The following NDUFAF7 variants were observed in gnomAD, a reference collection of about 807,000 sequenced individuals.
The protein encoded by NDUFAF7 is protein arginine methyltransferase NDUFAF7, mitochondrial.
Under a neutral mutation model 47.2 loss-of-function variants are expected in NDUFAF7, and 48 were observed. The observed-to-expected ratio is 1.02, with a 90% CI of 0.81 to 1.29. The LOEUF is 1.29. Ranked by LOEUF, NDUFAF7 falls within the 50% of genes most tolerant of loss-of-function variation. The pLI is 0.00. For synonymous variants in NDUFAF7, 217 were observed against 190.0 expected (o/e 1.14, Z -1.17); for missense variants, 635 against 537.6 (o/e 1.18, Z -1.79).
chr2:37,249,643 GACACACACACACACACACAC>G (rs56208997), downstream of NDUFAF7, among the ~76,000 whole-genome samples: 19 of 132,520 alleles, frequency 1.4e-4, no homozygotes, highest in Non-Finnish European at 1.6e-4. Context: ...CTGTGATAGA[GACACACACACACACACACAC>G]ACACACACAC....
At chr2:37,267,630 G>T in the NDUFAF7 span, 1 of 942,476 alleles carries the variant, frequency 1.1e-6, no homozygotes, top group Non-Finnish European at 1.6e-6. Context: ...ATTTACTCTT[G>T]AATTTTCTTT....
chr2:37,241,520 T>C (rs770947354), intron 4 of NDUFAF7, 58 bp from the exon 5 acceptor site: 1 of 1,354,708 alleles, frequency 7.4e-7, no homozygotes, highest in African/African-American at 1.4e-5. Flanking sequence ...TGTAAATGAT[T>C]AGGAAACTTA....
chr2:37,256,912 A>T, downstream of NDUFAF7: 3 of 1,614,098 alleles, frequency 1.9e-6, no homozygotes, highest in Non-Finnish European at 2.5e-6. Context: ...GTGCAAATCC[A>T]AAGTCACACA....
chr2:37,246,925 C>T (rs1004112828), intron 8 of NDUFAF7, among the ~76,000 whole-genome samples: 3 of 151,798 alleles, frequency 2.0e-5, no homozygotes, highest in African/African-American at 4.8e-5. Context: ...GTACATGAGG[C>T]AGGTTTGTTA....
At chr2:37,233,726 A>G (rs1361742169) in intron 2 of NDUFAF7, among the ~76,000 whole-genome samples, 1 of 152,152 alleles carries the variant, frequency 6.6e-6, no homozygotes, top group African/African-American at 2.4e-5. Flanking sequence ...AAAGCCAAGG[A>G]ACCAGGGAGA....
chr2:37,253,508 G>C (rs1425054692), downstream of NDUFAF7: 1 of 489,308 alleles, frequency 2.0e-6, no homozygotes, highest in African/African-American at 2.0e-5. Context: ...TTCTACTTGT[G>C]ATATTTTAAA....
chr2:37,247,300 A>G (rs1667032372), intron 8 of NDUFAF7, 156 bp from the exon 9 acceptor site: 4 of 848,610 alleles, frequency 4.7e-6, no homozygotes, highest in Non-Finnish European at 7.6e-6. Context: ...ATACTTTGTA[A>G]AACACTGCCT....
chr2:37,242,621 C>T lies in NDUFAF7; in HGVS notation c.623-14C>T, dbSNP rs1404988674. ...AAATGTGGAAACATTAATTGTTTTC[C>T]TCTTTTTAAATAGGGTACAGCTTTT... On this transcript the variant is annotated splice_polypyrimidine_tract_variant and intron_variant, in intron 5 of 9. Coordinates refer to ENST00000002125, the MANE Select transcript of NDUFAF7 (RefSeq NM_144736.5). 1 of 1,564,420 alleles carries T rather than the reference C, an allele frequency of 6.4e-7. No individual in the cohort carries two copies. The highest frequency in any genetic ancestry group is 8.8e-7 in the Non-Finnish European group (1 of 1,136,038).
chr2:37,262,594 GTA>G, the NDUFAF7 span, among the ~76,000 whole-genome samples: 1 of 152,186 alleles, frequency 6.6e-6, no homozygotes, highest in Non-Finnish European at 1.5e-5. Flanking sequence ...AATAAGCAGT[GTA>G]AGATTCAGAA....
At chr2:37,271,281 C>A in the NDUFAF7 span, among the ~76,000 whole-genome samples, 1 of 152,166 alleles carries the variant, frequency 6.6e-6, no homozygotes, top group Non-Finnish European at 1.5e-5. Flanking sequence ...CAAAATCCAG[C>A]CTGTTGCCTC....
chr2:37,244,338 C>T (rs1666691398), intron 7 of NDUFAF7, among the ~76,000 whole-genome samples: 1 of 152,170 alleles, frequency 6.6e-6, no homozygotes, highest in African/African-American at 2.4e-5. Flanking sequence ...TTAACAATAA[C>T]AGCTAACGTT....
Position 37,236,164 on chromosome 2 carries a change from A to C in NDUFAF7, c.285A>C (p.Gln95His), listed in dbSNP as rs1366547857. ...GDFITSPEIS[Q>H]IFGELLGIWF... ...TCATTACTTCACCTGAAATAAGTCAAATCTTTGGGGAGGTAATATACTATG... is the reference window on the plus strand; with the variant it reads ...TCATTACTTCACCTGAAATAAGTCACATCTTTGGGGAGGTAATATACTATG... The change falls in exon 3 of 10, where the codon CAA becomes CAC. Residue 95 changes from glutamine (Q) to histidine (H), a missense_variant. Coordinates refer to ENST00000002125, the MANE Select transcript of NDUFAF7 (RefSeq NM_144736.5). 5 of 1,609,106 alleles carry C rather than the reference A, an allele frequency of 3.1e-6. No individual in the cohort carries two copies. The highest frequency in any genetic ancestry group is 3.4e-6 in the Non-Finnish European group (4 of 1,175,654).
intron 8 of NDUFAF7, 136 bp from the exon 9 acceptor site, chr2:37,247,320 C>G (rs1424756418): frequency 7.5e-6 from 8 of 1,070,932 alleles, no homozygotes; most frequent in Non-Finnish European, 1.1e-5. Flanking sequence ...TAGGTGTTCC[C>G]TGCCTAGAGA....
chr2:37,244,075 G>C (rs571047793), intron 7 of NDUFAF7, 102 bp downstream of exon 7: 1 of 1,008,694 alleles, frequency 9.9e-7, no homozygotes, highest in East Asian at 2.6e-5. Context: ...TTTACAGGAA[G>C]AGTTGCTAGT....
intron 2 of NDUFAF7, among the ~76,000 whole-genome samples, chr2:37,234,852 G>A (rs1298777478): frequency 1.3e-5 from 2 of 152,134 alleles, no homozygotes; most frequent in Non-Finnish European, 2.9e-5. Context: ...GTGGGGATGG[G>A]AAGCTGAGGA....
At chr2:37,233,301 G>C (rs1002140671) in intron 2 of NDUFAF7, among the ~76,000 whole-genome samples, 1 of 152,202 alleles carries the variant, frequency 6.6e-6, no homozygotes, top group Non-Finnish European at 1.5e-5. Flanking sequence ...GTGACATGCA[G>C]GTGGAGATAG....
intron 9 of NDUFAF7, 57 bp downstream of exon 9, chr2:37,247,686 CT>C: frequency 1.3e-6 from 2 of 1,584,730 alleles, no homozygotes; most frequent in Non-Finnish European, 1.7e-6. Context: ...TCAAAAATTA[CT>C]TTAAATAGTA....
intron 2 of NDUFAF7, 99 bp downstream of exon 2, chr2:37,232,365 G>T: frequency 6.7e-7 from 1 of 1,489,696 alleles, no homozygotes; most frequent in South Asian, 1.1e-5. Context: ...CAGGCAGTGG[G>T]GGTGCCTGCC....
chr2:37,247,531 A>G lies in NDUFAF7; in HGVS notation c.1012A>G (p.Ser338Gly). The change falls in exon 9 of 10, where the codon AGT becomes GGT. Residue 338 changes from serine (S) to glycine (G), a missense_variant. Ser to Gly is a moderately conservative substitution (Grantham distance 56, BLOSUM62 0). Coordinates refer to ENST00000002125, the MANE Select transcript of NDUFAF7 (RefSeq NM_144736.5). ...AGATCTAACAGCTGATGTGGACTTC[A>G]GTTATTTGCGAAGAATGGCACAGGG... ...TADLTADVDF[S>G]YLRRMAQGKV... is the part of the protein sequence containing the mutation. 2 of 1,614,108 alleles carry G rather than the reference A, an allele frequency of 1.2e-6. No individual in the cohort carries two copies. The highest frequency in any genetic ancestry group is 8.5e-7 in the Non-Finnish European group (1 of 1,180,002).
Sources: allele counts gnomAD v4.1 joint callset (sites outside exome capture counted in the v4.1 genomes callset), GRCh38; gene constraint gnomAD v4.1.1; transcripts MANE v1.5; gene names NCBI Gene and HGNC (gene_info 2026-07-23, HGNC 2026-07-21).